PCDHA9: variants seen among roughly 807,000 people sequenced by gnomAD.
The protein encoded by PCDHA9 is protocadherin alpha 9.
PCDHA9 carries 62 observed loss-of-function variants against 62.0 expected under a neutral mutation model. The observed-to-expected ratio is 1.00, with a 90% CI of 0.81 to 1.23. The LOEUF is 1.23. PCDHA9 is among the 50% of genes most tolerant of loss of function. The pLI is 0.00. For synonymous variants in PCDHA9, 557 were observed against 567.6 expected, an observed-to-expected ratio of 0.98 and a Z score of 0.27; for missense variants, 1,205 against 1,249.8, an observed-to-expected ratio of 0.96 and a Z score of 0.54.
At chr5:140,853,848 C>T (rs2042883759) in intron 1 of PCDHA9, 1 of 985,936 alleles carries the variant, frequency 1.0e-6, no homozygotes, top group Non-Finnish European at 1.2e-6. Context: ...AGATCCATAG[C>T]CCTATTTGAT....
chr5:140,868,957 A>G (rs2050760003), intron 1 of PCDHA9: 2 of 1,389,232 alleles, frequency 1.4e-6, no homozygotes, highest in East Asian at 2.3e-5. Context: ...AGGCACTCCC[A>G]TACAAAGGAA....
At chr5:140,886,101 A>G (rs1554182351) in intron 1 of PCDHA9, among the ~76,000 whole-genome samples, 1 of 152,228 alleles carries the variant, frequency 6.6e-6, no homozygotes, top group Admixed American at 6.5e-5. Context: ...ACATTGATAC[A>G]GTAAAGAAGT....
intron 1 of PCDHA9, among the ~76,000 whole-genome samples, chr5:140,878,611 T>A (rs1167613009): frequency 2.0e-5 from 3 of 152,236 alleles, no homozygotes; most frequent in Non-Finnish European, 4.4e-5. Context: ...TCTTCTAATG[T>A]GCATTTTACA....
chr5:140,984,056 G>T (rs569184437), intron 3 of PCDHA9, among the ~76,000 whole-genome samples: 1 of 152,200 alleles, frequency 6.6e-6, no homozygotes, highest in Non-Finnish European at 1.5e-5. Context: ...TGACAAATCT[G>T]TACCCTCAGT....
intron 1 of PCDHA9, among the ~76,000 whole-genome samples, chr5:140,909,383 C>T (rs782249699): frequency 5.9e-5 from 9 of 152,202 alleles, no homozygotes; most frequent in Non-Finnish European, 1.3e-4. Flanking sequence ...GAAACCACAT[C>T]TAGTACAGCA....
intron 3 of PCDHA9, among the ~76,000 whole-genome samples, chr5:141,001,942 TAAG>T (rs140166770): frequency 0.017 from 2,515 of 151,936 alleles, 63 homozygotes; most frequent in African/African-American, 0.058. Context: ...TGAGCGGAAA[TAAG>T]GAGGAGGGAG....
intron 2 of PCDHA9, among the ~76,000 whole-genome samples, chr5:140,982,104 G>A (rs1280175443): frequency 6.6e-6 from 1 of 152,256 alleles, no homozygotes; most frequent in Non-Finnish European, 1.5e-5. Flanking sequence ...GAACCTGCAA[G>A]AGAGGCTTGG....
chr5:140,852,214 AT>A lies in PCDHA9; in HGVS notation c.2394+1329del, dbSNP rs1374970785. 2.5e-5 allele frequency: 16 copies of A among 644,870 alleles called. No individual in the cohort carries two copies. The South Asian group carries it at 1.1e-3, about 44-fold the overall frequency. The allele number at this position is 644,870 out of a possible 1,614,324, so 39.9% of individuals were successfully genotyped here. A position where few individuals can be genotyped will look rare whatever the true frequency, so the allele number is the denominator to read the frequency against. On this transcript the variant is annotated intron_variant, in intron 1 of 3. Transcript: ENST00000532602. ...CAGTAACGTTTATTTAAAACAAAAT[AT>A]TTTAATTTTTAAATTTTCCCTTAAA... is the stretch of plus-strand genomic sequence containing the variant.
intron 1 of PCDHA9, chr5:140,871,513 C>T (rs1554165693): frequency 6.4e-7 from 1 of 1,574,300 alleles, no homozygotes; most frequent in South Asian, 1.2e-5. Context: ...TCTACAGATT[C>T]CACCTATCAG....
At chr5:140,969,733 T>C (rs1299165103) in intron 1 of PCDHA9, among the ~76,000 whole-genome samples, 1 of 152,242 alleles carries the variant, frequency 6.6e-6, no homozygotes, top group Non-Finnish European at 1.5e-5. Context: ...TTTGAAATCC[T>C]ATATGAGTGA....
At chr5:140,965,703 G>T (rs1280783019) in intron 1 of PCDHA9, among the ~76,000 whole-genome samples, 1 of 152,178 alleles carries the variant, frequency 6.6e-6, no homozygotes, top group Non-Finnish European at 1.5e-5. Flanking sequence ...GAAAAAGCTT[G>T]AGAGAAGAAT....
In PCDHA9 at chr5:140,960,243, G is replaced by A. The variant is rs531821446; in HGVS notation, c.2395-18706G>A. On this transcript the variant is annotated intron_variant, in intron 1 of 3. Coordinates refer to ENST00000532602, the MANE Select transcript of PCDHA9 (RefSeq NM_031857.2). The stretch of plus-strand genomic sequence containing the variant: ...AGAAACAGAGCCATGGTAAAAAGAA[G>A]CTTCCTGGAGCTTCTGATAAATTCC... 3.9e-5 allele frequency among the ~76,000 whole-genome samples: 6 copies of A among 152,270 alleles called. No individual in the cohort carries two copies. The East Asian group carries it at 1.2e-3, about 29-fold the overall frequency.
At chr5:140,972,480 C>A (rs558245112) in intron 1 of PCDHA9, among the ~76,000 whole-genome samples, 2 of 151,890 alleles carry the variant, frequency 1.3e-5, no homozygotes, top group East Asian at 3.9e-4. Context: ...AGCATTTAAC[C>A]CCAGACTCTA....
intron 1 of PCDHA9, among the ~76,000 whole-genome samples, chr5:140,886,267 A>C (rs1472520900): frequency 6.6e-6 from 1 of 151,960 alleles, no homozygotes; most frequent in African/African-American, 2.4e-5. Context: ...TTTATAGATA[A>C]AATTTTTTAA....
Position 141,009,908 on chromosome 5 carries a change from A to G in PCDHA9, c.2824A>G (p.Asn942Asp), listed in dbSNP as rs1295693430. The G allele has an allele frequency of 6.2e-7, 1 of 1,612,848 alleles. No individual in the cohort carries two copies. Among genetic ancestry groups the G allele is most frequent in the Non-Finnish European group, 8.5e-7 (1 of 1,179,798 alleles). Residue 942 changes from asparagine to aspartate, a missense_variant, in exon 4 of 4, where the codon AAC (asparagine) becomes GAC (aspartate). By Grantham distance (23) the Asn-to-Asp change is conservative (BLOSUM62 1). Transcript: ENST00000532602. Reference sequence around the variant, plus strand: ...GACCCAGGAGAAAAAAGAGAAAGGGAACAGCACGACTGACAACAGTGACCA... The same window carrying G: ...GACCCAGGAGAAAAAAGAGAAAGGGGACAGCACGACTGACAACAGTGACCA... ...NKTQEKKEKG[N>D]STTDNSDQ
intron 1 of PCDHA9, chr5:140,852,575 CTTT>C (rs1395261617): frequency 1.3e-6 from 1 of 799,030 alleles, no homozygotes. Context: ...TGTGCCAAGG[CTTT>C]TTTATTTTTT....
At chr5:140,914,038 T>C (rs949307049) in intron 1 of PCDHA9, among the ~76,000 whole-genome samples, 14 of 152,206 alleles carry the variant, frequency 9.2e-5, no homozygotes, top group Non-Finnish European at 1.3e-4. Context: ...GAGAAGAATG[T>C]GTATTCTGCA....
intron 1 of PCDHA9, among the ~76,000 whole-genome samples, chr5:140,946,434 T>C (rs1554217579): frequency 2.0e-5 from 3 of 151,312 alleles, no homozygotes; most frequent in South Asian, 2.1e-4. Context: ...TACTCAAAAA[T>C]TGAGACTAAA....
chr5:140,849,787 G>A lies in PCDHA9; in HGVS notation c.1292G>A (p.Gly431Asp), dbSNP rs1421161535. ...YELVVTARDG[G>D]SPSLWATARV... The stretch of plus-strand genomic sequence containing the variant: ...CTGGTGGTTACCGCGCGGGACGGGG[G>A]CTCGCCTTCACTGTGGGCCACGGCC... Residue 431 changes from glycine to aspartate, a missense_variant, in exon 1 of 4, where the codon GGC (glycine) becomes GAC (aspartate). Physicochemically the swap from Gly to Asp is moderately conservative, Grantham distance 94. Transcript: ENST00000532602. 3.1e-6 allele frequency: 5 copies of A among 1,598,342 alleles called. 1 individual carries two copies. The highest frequency in any genetic ancestry group is 3.4e-4 in the Middle Eastern group (2 of 5,864).
Sources: gnomAD v4.1 joint callset for allele counts (sites outside exome capture counted in the v4.1 genomes callset) on GRCh38, gnomAD v4.1.1 for gene constraint, MANE v1.5 for transcripts, NCBI Gene and HGNC (gene_info 2026-07-23, HGNC 2026-07-21) for gene names.